The following SOX5 variants were observed in gnomAD, a reference collection of about 807,000 sequenced individuals.
SOX5 encodes transcription factor SOX-5.
A neutral mutation model predicts 92.0 loss-of-function variants in SOX5; 9 were observed. The observed-to-expected ratio is 0.10, with a 90% CI of 0.06 to 0.17. The LOEUF (loss-of-function observed/expected upper bound fraction) is 0.17. Among genes scored for constraint, SOX5 ranks in the 10% least tolerant of loss-of-function variants. SOX5 has a pLI of 1.00. For missense variants in SOX5, 642 were observed against 944.5 expected (o/e 0.68, Z 4.20); for synonymous variants, 344 against 336.3 (o/e 1.02, Z -0.25).
intron 3 of SOX5, among the ~76,000 whole-genome samples, chr12:23,770,967 T>C (rs931789393): frequency 6.6e-6 from 1 of 152,050 alleles, no homozygotes; most frequent in African/African-American, 2.4e-5. Context: ...AGTGGAGATA[T>C]TCAATAAAAA....
Position 23,620,213 on chromosome 12 carries a change from G to C in SOX5, c.1018-15680C>G, listed in dbSNP as rs80104896. ...TGCTGGGAGGAAACATGACAAGTTT[G>C]TAGTGTCAGAAAGAAGCCAGTGAGA... is the stretch of plus-strand genomic sequence containing the variant. On this transcript the variant is annotated intron_variant, in intron 8 of 14. Transcript: ENST00000451604. Among the ~76,000 whole-genome samples, 833 of 152,222 alleles carry C rather than the reference G, an allele frequency of 5.5e-3. 5 individuals are homozygous for C. The highest frequency in any genetic ancestry group is 0.02 in the African/African-American group (812 of 41,534).
chr12:24,326,494 T>C (rs1277575428), intron 2 of SOX5, among the ~76,000 whole-genome samples: 4 of 152,262 alleles, frequency 2.6e-5, no homozygotes, highest in African/African-American at 7.2e-5. Flanking sequence ...GTAAGCTTCT[T>C]TGTCAAAAGA....
rs114832850 is a variant in SOX5, at chr12:24,099,904, T to C, written c.-2+113439A>G. Among the ~76,000 whole-genome samples the C allele has an allele frequency of 4.3e-3, 657 of 152,276 alleles. 11 individuals carry two copies. The highest frequency in any genetic ancestry group is 0.015 in the African/African-American group (609 of 41,556). On this transcript the variant is annotated intron_variant, in intron 4 of 4. Coordinates refer to the SOX5 transcript ENST00000446891. ...TAAATCTTGTCTCTTATCTGCACCT[T>C]TGTTTGGTCAGCTGTAAAATGAGAA...
Position 24,145,847 on chromosome 12 carries a change from G to C in SOX5, c.-2+67496C>G, listed in dbSNP as rs556777903. On this transcript the variant is annotated intron_variant, in intron 4 of 4. Coordinates refer to the SOX5 transcript ENST00000446891. ...AAAAGCTGAAGTGGGTATATTAATA[G>C]CAGGCAAAGTAATTTTCCAAAGAAA... 2.0e-5 allele frequency among the ~76,000 whole-genome samples: 3 copies of C among 152,282 alleles called. No homozygotes were observed. The South Asian group carries it at 6.2e-4, about 32-fold the overall frequency.
chr12:23,806,076 T>C (rs1779753552), intron 3 of SOX5, among the ~76,000 whole-genome samples: 2 of 152,170 alleles, frequency 1.3e-5, no homozygotes, highest in Admixed American at 6.5e-5. Context: ...AACAAACATT[T>C]TAAAAGTGGC....
At chr12:23,696,676 C>A (rs1405519468) in intron 6 of SOX5, among the ~76,000 whole-genome samples, 1 of 152,082 alleles carries the variant, frequency 6.6e-6, no homozygotes, top group South Asian at 2.1e-4. Flanking sequence ...AAGGGGAAAG[C>A]TTAGGTAATT....
chr12:24,047,548 C>T (rs1349120588), intron 4 of SOX5, among the ~76,000 whole-genome samples: 1 of 152,110 alleles, frequency 6.6e-6, no homozygotes, highest in Non-Finnish European at 1.5e-5. Context: ...AGACTGTAGG[C>T]GTTTATGACT....
intron 1 of SOX5, among the ~76,000 whole-genome samples, chr12:24,479,023 G>T (rs1451742018): frequency 6.6e-6 from 1 of 152,094 alleles, no homozygotes; most frequent in Non-Finnish European, 1.5e-5. Context: ...TTTCCCCATT[G>T]ACAGTATGAA....
At chr12:24,545,376 T>C (rs772790217) in intron 1 of SOX5, among the ~76,000 whole-genome samples, 16 of 152,204 alleles carry the variant, frequency 1.1e-4, no homozygotes, top group Non-Finnish European at 2.2e-4. Context: ...CTCCTCTCTC[T>C]TGTTTCACCA....
intron 2 of SOX5, among the ~76,000 whole-genome samples, chr12:24,282,968 G>A (rs1161743780): frequency 6.6e-6 from 1 of 152,180 alleles, no homozygotes; most frequent in African/African-American, 2.4e-5. Flanking sequence ...CAGGCCTTAT[G>A]TGAGTTTCTT....
rs1323785027 is a variant in SOX5, at chr12:24,307,515, A to AAGGAAGGAAGGC, written c.-173-30204_-173-30203insGCCTTCCTTCCT. Among the ~76,000 whole-genome samples the AAGGAAGGAAGGC allele has an allele frequency of 6.1e-4, 15 of 24,486 alleles. 1 individual carries two copies. Among genetic ancestry groups the AAGGAAGGAAGGC allele is most frequent in the African/African-American group, 1.2e-3 (15 of 12,108 alleles). 16.1% of individuals were successfully genotyped at this position (24,486 alleles called of 152,430 possible). The stretch of plus-strand genomic sequence containing the variant: ...GAAGGAAGGAAGGAAGGAAGGAAGG[A>AAGGAAGGAAGGC]AGGCCGGCCCCCCCACCCACCCACT... On this transcript the variant is annotated intron_variant, in intron 2 of 4. Coordinates refer to the SOX5 transcript ENST00000446891.
chr12:24,392,536 G>T (rs755759137), intron 1 of SOX5, among the ~76,000 whole-genome samples: 4 of 151,948 alleles, frequency 2.6e-5, no homozygotes, highest in African/African-American at 4.8e-5. Flanking sequence ...TCATCATTCA[G>T]GTCCCAGATG....
intron 8 of SOX5, among the ~76,000 whole-genome samples, chr12:23,608,292 C>T (rs546279437): frequency 3.9e-4 from 60 of 152,138 alleles, no homozygotes; most frequent in Non-Finnish European, 7.4e-4. Flanking sequence ...CTCCTCAGAG[C>T]TTTCCAGTCT....
intron 1 of SOX5, among the ~76,000 whole-genome samples, chr12:24,454,893 C>G (rs1942812989): frequency 6.6e-6 from 1 of 152,098 alleles, no homozygotes; most frequent in South Asian, 2.1e-4. Flanking sequence ...ATTAAGACAT[C>G]TAAAATCTGA....
At chr12:23,861,062 C>T (rs2096752277) in intron 2 of SOX5, among the ~76,000 whole-genome samples, 2 of 147,336 alleles carry the variant, frequency 1.4e-5, no homozygotes, top group Admixed American at 6.9e-5. Flanking sequence ...GGCTCTAGAA[C>T]AACAAAGTAA....
chr12:23,563,247 T>C lies in SOX5; in HGVS notation c.1488+11A>G. On this transcript the variant is annotated intron_variant, in intron 11 of 14. Transcript: ENST00000451604. ...AGTATTTCTAGAAAGTAAGTTATTT[T>C]ATGAACTGACCTTTTCTGTTCGGCA... is the stretch of plus-strand genomic sequence containing the variant. 5 of 1,593,646 alleles carry C rather than the reference T, an allele frequency of 3.1e-6. No homozygotes were observed. Among genetic ancestry groups the C allele is most frequent in the Non-Finnish European group, 4.3e-6 (5 of 1,171,774 alleles).
chr12:23,918,777 C>T (rs1215334742), intron 1 of SOX5, among the ~76,000 whole-genome samples: 6 of 151,986 alleles, frequency 3.9e-5, no homozygotes, highest in African/African-American at 1.2e-4. Context: ...ATTAGCCAGG[C>T]GTGGTGGCAC....
rs1949311242 is a variant in SOX5 at position 23,979,698 on chromosome 12, G to GGTTTTTT, written c.-1-83675_-1-83674insAAAAAAC. Among the ~76,000 whole-genome samples, 5 of 64,692 alleles carry GGTTTTTT rather than the reference G, an allele frequency of 7.7e-5. No homozygotes were observed. The Admixed American group carries it at 9.2e-4, about 12-fold the overall frequency. The allele number at this position is 64,692 out of a possible 152,430, so 42.4% of individuals were successfully genotyped here. A position where few individuals can be genotyped will look rare whatever the true frequency, so the allele number is the denominator to read the frequency against. ...TTCTTCCTTCCATATATATATATAT[G>GGTTTTTT]TTTTTTTTGTTTTTTTTTTTTTTTT... On this transcript the variant is annotated intron_variant, in intron 4 of 4. Transcript: ENST00000446891.
Position 23,557,014 on chromosome 12 carries a change from CT to C in SOX5, c.1488+6243del, listed in dbSNP as rs1033819790. Reference sequence around the variant, plus strand: ...TGTAACTAATGCTGGGAATGACACACTTTTTTTTATTATTAAACATCCACAT... The same window carrying C: ...TGTAACTAATGCTGGGAATGACACACTTTTTTTATTATTAAACATCCACAT... On this transcript the variant is annotated intron_variant, in intron 11 of 14. Coordinates refer to ENST00000451604, the MANE Select transcript of SOX5 (RefSeq NM_006940.6). Among the ~76,000 whole-genome samples the C allele has an allele frequency of 3.3e-5, 5 of 152,184 alleles. No homozygotes were observed. The East Asian group carries it at 7.7e-4, about 23-fold the overall frequency.
Sources: allele counts gnomAD v4.1 joint callset (sites outside exome capture counted in the v4.1 genomes callset), GRCh38; gene constraint gnomAD v4.1.1; transcripts MANE v1.5; gene names NCBI Gene and HGNC (gene_info 2026-07-23, HGNC 2026-07-21).